SDK1: variants seen among roughly 807,000 people sequenced by gnomAD.
SDK1 encodes the protein protein sidekick-1.
A neutral mutation model predicts 245.5 loss-of-function variants in SDK1; 157 were observed. The observed-to-expected ratio is 0.64, with a 90% CI of 0.56 to 0.73. The LOEUF is 0.73. Among genes scored for constraint, SDK1 ranks in the 30% least tolerant of loss-of-function variants. The pLI is 0.00. For missense variants in SDK1, 3,583 were observed against 3,002.3 expected (o/e 1.19, Z -4.52); for synonymous variants, 1,647 against 1,278.5 (o/e 1.29, Z -6.15).
chr7:3,437,687 T>G (rs1429945650), intron 1 of SDK1, among the ~76,000 whole-genome samples: 5 of 152,136 alleles, frequency 3.3e-5, no homozygotes, highest in Non-Finnish European at 5.9e-5. Flanking sequence ...AGTTTCAGGT[T>G]TCAGTGAGCT....
At chr7:3,442,814 A>C (rs1011770409) in intron 1 of SDK1, among the ~76,000 whole-genome samples, 4 of 152,154 alleles carry the variant, frequency 2.6e-5, no homozygotes, top group African/African-American at 7.2e-5. Context: ...TAAACTGTTG[A>C]GTGAACTGCT....
chr7:3,376,681 A>G (rs1346838205), intron 1 of SDK1, among the ~76,000 whole-genome samples: 1 of 152,176 alleles, frequency 6.6e-6, no homozygotes, highest in Non-Finnish European at 1.5e-5. Context: ...ACTTTTCTGG[A>G]GGGCAGTCTA....
Position 3,681,931 on chromosome 7 carries a change from C to G in SDK1, c.713+39826C>G, listed in dbSNP as rs542232455. Among the ~76,000 whole-genome samples, 18 of 152,248 alleles carry G rather than the reference C, an allele frequency of 1.2e-4. No individual in the cohort carries two copies. The East Asian group carries it at 2.7e-3, about 23-fold the overall frequency. The stretch of plus-strand genomic sequence containing the variant: ...TTGGAAAGATTATACAGTCCCTATA[C>G]TGTATGTAGCCCAGTATCACAAGAA... On this transcript the variant is annotated intron_variant, in intron 4 of 44. Coordinates refer to ENST00000404826, the MANE Select transcript of SDK1 (RefSeq NM_152744.4).
chr7:4,174,281 G>A lies in SDK1; in HGVS notation c.4860G>A (p.Glu1620=). Residue 1620 remains glutamate (E), a synonymous_variant, in exon 33 of 45, where the codon GAG becomes GAA. Transcript: ENST00000404826. ...AGGGATACAGGATCTACTACAGGGA[G>A]CTGGAGTATGAAGCCGGGTCAGGCA... The part of the protein sequence containing the change: ...LLQGYRIYYR[E]LEYEAGSGTE... The A allele has an allele frequency of 3.7e-6, 6 of 1,613,770 alleles. No homozygotes were observed. The highest frequency in any genetic ancestry group is 4.2e-6 in the Non-Finnish European group (5 of 1,179,666).
intron 1 of SDK1, among the ~76,000 whole-genome samples, chr7:3,432,693 G>T (rs1435107451): frequency 1.3e-5 from 2 of 152,140 alleles, no homozygotes; most frequent in African/African-American, 4.8e-5. Flanking sequence ...ACTGTAGCCT[G>T]CACTGTCATA....
chr7:4,066,521 G>T (rs531431101), intron 19 of SDK1, among the ~76,000 whole-genome samples: 40 of 152,272 alleles, frequency 2.6e-4, no homozygotes, highest in African/African-American at 9.4e-4. Flanking sequence ...AGCAGCTATG[G>T]CTATAGAGAG....
Position 4,058,907 on chromosome 7 carries a change from C to T in SDK1, c.2911+7077C>T, listed in dbSNP as rs113739730. Among the ~76,000 whole-genome samples the T allele has an allele frequency of 7.5e-3, 1,138 of 152,034 alleles. 19 individuals carry two copies. Among genetic ancestry groups the T allele is most frequent in the African/African-American group, 0.025 (1,056 of 41,468 alleles). On this transcript the variant is annotated intron_variant, in intron 19 of 44. Coordinates refer to ENST00000404826, the MANE Select transcript of SDK1 (RefSeq NM_152744.4). Reference sequence around the variant, plus strand: ...ATCTACCATCATGAAAATGTACAAACGTATAAAACCCATTGGTAGAGCAAA... The same window carrying T: ...ATCTACCATCATGAAAATGTACAAATGTATAAAACCCATTGGTAGAGCAAA...
chr7:3,377,320 G>A (rs1381880127), intron 1 of SDK1, among the ~76,000 whole-genome samples: 1 of 152,140 alleles, frequency 6.6e-6, no homozygotes, highest in Non-Finnish European at 1.5e-5. Context: ...TAACGATAAA[G>A]GACTAGGTTA....
intron 22 of SDK1, among the ~76,000 whole-genome samples, chr7:4,085,109 C>T (rs1781346292): frequency 6.6e-6 from 1 of 152,130 alleles, no homozygotes; most frequent in Admixed American, 6.5e-5. Flanking sequence ...TAAGACTGTG[C>T]TTTTTAGGAC....
At chr7:3,978,610 C>A (rs1342053549) in intron 13 of SDK1, among the ~76,000 whole-genome samples, 1 of 152,020 alleles carries the variant, frequency 6.6e-6, no homozygotes, top group Non-Finnish European at 1.5e-5. Flanking sequence ...TCTTTAGATC[C>A]AACAGAGCTT....
chr7:3,898,515 C>G (rs538532101), intron 5 of SDK1, among the ~76,000 whole-genome samples: 1 of 152,106 alleles, frequency 6.6e-6, no homozygotes, highest in Admixed American at 6.5e-5. Flanking sequence ...GCACTTTGCC[C>G]TTTTCTGATT....
intron 21 of SDK1, among the ~76,000 whole-genome samples, chr7:4,077,996 G>A (rs1308155529): frequency 2.0e-5 from 3 of 152,140 alleles, no homozygotes; most frequent in African/African-American, 7.2e-5. Flanking sequence ...GAGATGTCTT[G>A]GACATTGTTT....
intron 5 of SDK1, among the ~76,000 whole-genome samples, chr7:3,888,504 T>C (rs1781387172): frequency 6.6e-6 from 1 of 152,206 alleles, no homozygotes; most frequent in African/African-American, 2.4e-5. Flanking sequence ...AGTAAATCAA[T>C]GGTGATGCGT....
In SDK1 at chr7:3,368,951, G is replaced by A. The variant is rs759302413; in HGVS notation, c.298+67067G>A. Reference sequence around the variant, plus strand: ...AATTCTGTGAAACTGTGTAGTCTCAGATTTGGATCTGTCTTTGCATGTGCT... The same window carrying A: ...AATTCTGTGAAACTGTGTAGTCTCAAATTTGGATCTGTCTTTGCATGTGCT... On this transcript the variant is annotated intron_variant, in intron 1 of 44. Coordinates refer to ENST00000404826, the MANE Select transcript of SDK1 (RefSeq NM_152744.4). Among the ~76,000 whole-genome samples the A allele has an allele frequency of 2.6e-5, 4 of 152,334 alleles. No homozygotes were observed. The South Asian group carries it at 8.3e-4, about 32-fold the overall frequency.
chr7:3,443,961 C>T (rs1780270447), intron 1 of SDK1, among the ~76,000 whole-genome samples: 1 of 152,128 alleles, frequency 6.6e-6, no homozygotes, highest in African/African-American at 2.4e-5. Context: ...AACAAAAGAG[C>T]ATTATTTATT....
At chr7:3,362,951 G>A (rs976203130) in intron 1 of SDK1, among the ~76,000 whole-genome samples, 2 of 152,112 alleles carry the variant, frequency 1.3e-5, no homozygotes, top group Non-Finnish European at 2.9e-5. Context: ...ATTCACAAGC[G>A]GTTATAAGAA....
intron 4 of SDK1, among the ~76,000 whole-genome samples, chr7:3,771,265 C>G (rs555109780): frequency 2.0e-5 from 3 of 152,124 alleles, no homozygotes; most frequent in African/African-American, 7.2e-5. Context: ...TGCACAAGCC[C>G]TCTTGGAATT....
Position 4,220,227 on chromosome 7 carries a change from C to T in SDK1, c.5658C>T (p.Tyr1886=), listed in dbSNP as rs537425016. 1.2e-5 allele frequency: 20 copies of T among 1,613,922 alleles called. No individual in the cohort carries two copies. Among genetic ancestry groups the T allele is most frequent in the East Asian group, 1.1e-4 (5 of 44,862 alleles). The change falls in exon 39 of 45, where the codon TAC becomes TAT. Residue 1886 remains tyrosine, a synonymous_variant. Coordinates refer to ENST00000404826, the MANE Select transcript of SDK1 (RefSeq NM_152744.4). Reference sequence around the variant, plus strand: ...GTGTCCAAGCGCGGACCATCACCTACGGGCCCGAGCTCCAAGCCAATATCA... The same window carrying T: ...GTGTCCAAGCGCGGACCATCACCTATGGGCCCGAGCTCCAAGCCAATATCA... ...FFRVQARTIT[Y]GPELQANITA... is the part of the protein sequence containing the mutation.
intron 44 of SDK1, among the ~76,000 whole-genome samples, chr7:4,248,761 C>T (rs1016855417): frequency 6.6e-6 from 1 of 152,026 alleles, no homozygotes; most frequent in African/African-American, 2.4e-5. Flanking sequence ...TTTGCATGTG[C>T]ACACATACAT....
Sources: gnomAD v4.1 joint callset for allele counts (sites outside exome capture counted in the v4.1 genomes callset) on GRCh38, gnomAD v4.1.1 for gene constraint, MANE v1.5 for transcripts, NCBI Gene and HGNC (gene_info 2026-07-23, HGNC 2026-07-21) for gene names.